PARD3: variants seen among roughly 807,000 people sequenced by gnomAD.
The protein encoded by PARD3 is par-3 family cell polarity regulator, also known as partitioning defective 3 homolog.
In PARD3, 75 loss-of-function variants were observed where a neutral mutation model predicts 155.4. The observed-to-expected ratio is 0.48, with a 90% CI of 0.40 to 0.58. PARD3 has a LOEUF of 0.58. PARD3 is among the 20% of genes least tolerant of loss of function. PARD3 has a pLI of 0.00. For missense variants in PARD3, 1,642 were observed against 1,721.7 expected, an observed-to-expected ratio of 0.95 and a Z score of 0.82; for synonymous variants, 576 against 610.5, an observed-to-expected ratio of 0.94 and a Z score of 0.83.
intron 22 of PARD3, among the ~76,000 whole-genome samples, chr10:34,211,695 G>A (rs1951761568): frequency 6.6e-6 from 1 of 152,058 alleles, no homozygotes; most frequent in Admixed American, 6.5e-5. Flanking sequence ...CAGGAGAATT[G>A]CTTGAACCCT....
chr10:34,651,011 C>CAAAAAAAAAAAAAAAAAAAAAAA (rs60113552), intron 2 of PARD3, among the ~76,000 whole-genome samples: 4 of 44,520 alleles, frequency 9.0e-5, no homozygotes, highest in Non-Finnish European at 1.6e-4. Flanking sequence ...AACTCTGTCT[C>CAAAAAAAAAAAAAAAAAAAAAAA]AAAAAAAAAA....
At chr10:34,269,242 A>G (rs1368458065) in intron 22 of PARD3, among the ~76,000 whole-genome samples, 1 of 152,206 alleles carries the variant, frequency 6.6e-6, no homozygotes, top group Non-Finnish European at 1.5e-5. Flanking sequence ...GCCTAAAAAA[A>G]AAGTGATCCA....
Position 34,349,580 on chromosome 10 carries a change from T to TAAAA in PARD3, c.2068-1469_2068-1466dup. Among the ~76,000 whole-genome samples, 36 of 44,710 alleles carry TAAAA rather than the reference T, an allele frequency of 8.1e-4. 1 individual carries two copies. The highest frequency in any genetic ancestry group is 3.4e-3 in the African/African-American group (30 of 8,888). 29.3% of individuals were successfully genotyped at this position (44,710 alleles called of 152,430 possible). A position where few individuals can be genotyped will look rare whatever the true frequency, so the allele number is the denominator to read the frequency against. ...TAAATTCCAAGAGACTCTGGGAAAGTAAAAAAAAAAAAAAAAAAAAAAAAA... is the reference window on the plus strand; with the variant it reads ...TAAATTCCAAGAGACTCTGGGAAAGTAAAAAAAAAAAAAAAAAAAAAAAAAAAAA... On this transcript the variant is annotated intron_variant, in intron 14 of 24. Transcript: ENST00000374788.
intron 3 of PARD3, among the ~76,000 whole-genome samples, chr10:34,505,718 T>C (rs2081017465): frequency 6.6e-6 from 1 of 152,226 alleles, no homozygotes; most frequent in African/African-American, 2.4e-5. Flanking sequence ...CTGCACCAGT[T>C]ACTATTATAA....
At chr10:34,759,911 T>C (rs1178206717) in intron 1 of PARD3, among the ~76,000 whole-genome samples, 4 of 152,234 alleles carry the variant, frequency 2.6e-5, no homozygotes, top group Admixed American at 2.6e-4. Flanking sequence ...TCTACTTTAT[T>C]AGCTGAGAAC....
intron 3 of PARD3, among the ~76,000 whole-genome samples, chr10:34,475,559 T>C (rs2078651620): frequency 6.6e-6 from 1 of 152,210 alleles, no homozygotes; most frequent in Non-Finnish European, 1.5e-5. Context: ...AATCTATTTG[T>C]CTCACATTTT....
intron 1 of PARD3, among the ~76,000 whole-genome samples, chr10:34,799,790 A>C (rs1842673046): frequency 6.6e-6 from 1 of 151,494 alleles, no homozygotes; most frequent in Non-Finnish European, 1.5e-5. Context: ...CAGGAGTTGA[A>C]GATCAGCTTG....
chr10:34,665,488 C>A (rs556651751), intron 2 of PARD3, among the ~76,000 whole-genome samples: 1 of 152,050 alleles, frequency 6.6e-6, no homozygotes, highest in East Asian at 1.9e-4. Context: ...CCGTTGCACT[C>A]CAGCCTGGGC....
intron 3 of PARD3, among the ~76,000 whole-genome samples, chr10:34,501,959 G>A (rs1319822157): frequency 1.3e-5 from 2 of 152,120 alleles, no homozygotes; most frequent in African/African-American, 4.8e-5. Flanking sequence ...TTGGATTAGT[G>A]CCCTTATTAA....
intron 22 of PARD3, among the ~76,000 whole-genome samples, chr10:34,186,860 T>C: frequency 6.6e-6 from 1 of 152,138 alleles, no homozygotes; most frequent in Non-Finnish European, 1.5e-5. Flanking sequence ...TGTGACTTCC[T>C]AAAGGCAAAA....
intron 22 of PARD3, among the ~76,000 whole-genome samples, chr10:34,229,084 T>C (rs1362459714): frequency 6.6e-6 from 1 of 152,068 alleles, no homozygotes. Flanking sequence ...CTGGGTCCCC[T>C]GTCCCTTTGA....
chr10:34,438,232 G>C (rs1326132666), intron 5 of PARD3, among the ~76,000 whole-genome samples: 2 of 152,148 alleles, frequency 1.3e-5, no homozygotes, highest in South Asian at 2.1e-4. Context: ...CACAAGAAAG[G>C]CTGTGCTCTC....
At chr10:34,291,233 A>G (rs991379391) in intron 20 of PARD3, among the ~76,000 whole-genome samples, 5 of 152,324 alleles carry the variant, frequency 3.3e-5, no homozygotes, top group East Asian at 1.9e-4. Context: ...ACTCTTGTCC[A>G]TATGCACTGA....
chr10:34,626,181 G>C (rs185085552), intron 2 of PARD3, among the ~76,000 whole-genome samples: 2 of 152,308 alleles, frequency 1.3e-5, no homozygotes, highest in Non-Finnish European at 2.9e-5. Flanking sequence ...TACATTCAAT[G>C]CAGCAAGATG....
intron 19 of PARD3, among the ~76,000 whole-genome samples, chr10:34,323,513 G>A (rs1467920199): frequency 1.3e-5 from 2 of 152,110 alleles, no homozygotes; most frequent in African/African-American, 4.8e-5. Context: ...CAGCAACTGG[G>A]AGAAAGTTCA....
chr10:34,706,505 G>T (rs2094364541), intron 1 of PARD3, among the ~76,000 whole-genome samples: 1 of 152,276 alleles, frequency 6.6e-6, no homozygotes, highest in African/African-American at 2.4e-5. Flanking sequence ...CCAGCACTCT[G>T]GGAGGCCATG....
chr10:34,383,993 T>G, intron 8 of PARD3, 136 bp downstream of exon 8: 2 of 803,498 alleles, frequency 2.5e-6, no homozygotes, highest in Non-Finnish European at 3.8e-6. Context: ...GTTTAAATTT[T>G]TAAAAGCTAA....
intron 2 of PARD3, among the ~76,000 whole-genome samples, chr10:34,579,027 C>T (rs1177716784): frequency 6.6e-6 from 1 of 152,150 alleles, no homozygotes. Context: ...AATCCCAGCA[C>T]TTGGGAGACC....
In PARD3 at chr10:34,269,895, G is replaced by C. The variant is rs910077515; in HGVS notation, c.3181C>G (p.Gln1061Glu). The C allele has an allele frequency of 3.1e-6, 5 of 1,613,234 alleles. No homozygotes were observed. Among genetic ancestry groups the C allele is most frequent in the Non-Finnish European group, 4.2e-6 (5 of 1,179,594 alleles). Residue 1061 changes from glutamine (Q) to glutamate (E), a missense_variant, in exon 22 of 25, where the codon CAA (glutamine) becomes GAA (glutamate). Physicochemically the swap from Gln to Glu is conservative, Grantham distance 29. This residue lies in a region of PARD3 where 1,529 missense variants were observed against 1,587.3 expected (regional missense o/e 0.96). Transcript: ENST00000374788. ...IRMKQEQERI[Q>E]AKTREFRERQ... Reference sequence around the variant, plus strand: ...TCCCTAAATTCTCGAGTTTTGGCTTGAATCCTATGAAATCAGAACAAAGTT... The same window carrying C: ...TCCCTAAATTCTCGAGTTTTGGCTTCAATCCTATGAAATCAGAACAAAGTT...
Sources: allele counts gnomAD v4.1 joint callset (sites outside exome capture counted in the v4.1 genomes callset), GRCh38; gene constraint gnomAD v4.1.1; regional missense constraint gnomAD v4.1.1; transcripts MANE v1.5; gene names NCBI Gene and HGNC (gene_info 2026-07-23, HGNC 2026-07-21).